PIK3C2A: variants seen among roughly 807,000 people sequenced by gnomAD.
PIK3C2A encodes the protein phosphatidylinositol 4-phosphate 3-kinase C2 domain-containing subunit alpha.
Under a neutral mutation model 204.5 loss-of-function variants are expected in PIK3C2A, and 97 were observed. The ratio of observed to expected loss-of-function variants is 0.47; its 90% CI spans 0.40 to 0.56. The LOEUF (loss-of-function observed/expected upper bound fraction) is 0.56. Ranked by LOEUF, PIK3C2A falls within the 20% of genes least tolerant of loss-of-function variation. The pLI is 0.00. For synonymous variants in PIK3C2A, 653 were observed against 664.4 expected (o/e 0.98, Z 0.26); for missense variants, 1,735 against 1,969.2 (o/e 0.88, Z 2.25).
At chr11:17,148,560 A>C in intron 5 of PIK3C2A, 107 bp downstream of exon 5, 8 of 851,932 alleles carry the variant, frequency 9.4e-6, no homozygotes, top group South Asian at 1.7e-5. Context: ...TCAATTCAAT[A>C]GGATCCAATG....
At chr11:17,184,347 A>C (rs183108930) in intron 1 of PIK3C2A, among the ~76,000 whole-genome samples, 1 of 152,256 alleles carries the variant, frequency 6.6e-6, no homozygotes, top group Admixed American at 6.5e-5. Flanking sequence ...GAGGACTTCC[A>C]GTGAAACAAG....
chr11:17,131,567 G>A (rs990400170), intron 12 of PIK3C2A, among the ~76,000 whole-genome samples: 7 of 151,552 alleles, frequency 4.6e-5, no homozygotes, highest in African/African-American at 1.2e-4. Flanking sequence ...GACCACAGGC[G>A]CCCGCCACCA....
At chr11:17,178,114 A>AAAAAAAAAAAAT (rs1565294473) in intron 1 of PIK3C2A, among the ~76,000 whole-genome samples, 1 of 73,238 alleles carries the variant, frequency 1.4e-5, no homozygotes, top group African/African-American at 4.4e-5. Flanking sequence ...AAAAAAAAAG[A>AAAAAAAAAAAAT]AAAAAAAAAT....
intron 1 of PIK3C2A, among the ~76,000 whole-genome samples, chr11:17,207,328 T>TG (rs1029590871): frequency 1.3e-5 from 2 of 151,090 alleles, no homozygotes; most frequent in African/African-American, 4.9e-5. Flanking sequence ...GCGGTGGGAG[T>TG]GGGGGGTCCG....
At chr11:17,174,353 C>T (rs61879724) in intron 1 of PIK3C2A, among the ~76,000 whole-genome samples, 12,601 of 55,124 alleles carry the variant, frequency 0.23, 1,799 homozygotes, top group East Asian at 0.41. Context: ...TTTGGGAGGC[C>T]GAGGCGGGCG....
chr11:17,109,581 T>A (rs908512990), intron 22 of PIK3C2A, among the ~76,000 whole-genome samples: 19 of 152,238 alleles, frequency 1.2e-4, no homozygotes, highest in African/African-American at 4.6e-4. Context: ...TATTAGGTTT[T>A]GAGACAAGGT....
At position 17,118,702 on chromosome 11, in the gene PIK3C2A, A is replaced by C; in HGVS notation, c.2978T>G (p.Val993Gly). 1.9e-6 allele frequency: 3 copies of C among 1,563,562 alleles called. No individual in the cohort carries two copies. Among genetic ancestry groups the C allele is most frequent in the Non-Finnish European group, 2.6e-6 (3 of 1,136,550 alleles). The change falls in exon 18 of 33, where the codon GTG becomes GGG. Residue 993 changes from valine to glycine, a missense_variant. Physicochemically the swap from Val to Gly is moderately radical, Grantham distance 109 (BLOSUM62 -3). Coordinates refer to ENST00000691414, the MANE Select transcript of PIK3C2A (RefSeq NM_002645.4). ...KYEIYLNSSL[V>G]QFLLSRALGN... ...CAATGCCCTGGACAAAAGGAATTGC[A>C]CTAATGAACTATTCAAGTAAATTTC...
chr11:17,195,735 T>G (rs1169732808), intron 1 of PIK3C2A, among the ~76,000 whole-genome samples: 1 of 128,430 alleles, frequency 7.8e-6, no homozygotes, highest in African/African-American at 2.7e-5. Context: ...AGAGCAAGAC[T>G]CTATTGCAAA....
chr11:17,179,878 T>TGG (rs1851475628), intron 1 of PIK3C2A, among the ~76,000 whole-genome samples: 1 of 152,174 alleles, frequency 6.6e-6, no homozygotes, highest in Non-Finnish European at 1.5e-5. Flanking sequence ...CCCAAATCAC[T>TGG]GGGATTACAG....
chr11:17,132,155 C>A, intron 11 of PIK3C2A, 117 bp from the exon 12 acceptor site: 1 of 613,584 alleles, frequency 1.6e-6, no homozygotes, highest in Non-Finnish European at 2.7e-6. Context: ...ATCTGGTCAC[C>A]TTTCATTTGA....
rs1348333854 is a variant in PIK3C2A at position 17,145,701 on chromosome 11, A to G, written c.1671T>C (p.Tyr557=). Residue 557 remains tyrosine, a synonymous_variant, in exon 8 of 33, where the codon TAT becomes TAC. Coordinates refer to ENST00000691414, the MANE Select transcript of PIK3C2A (RefSeq NM_002645.4). ...RHPVEELLDS[Y]HNQVELALQI... ...GAAGAGCCAGTTCTACTTGGTTGTG[A>G]TAAGAATCTAAGAGTTCTTCAACAG... is the stretch of plus-strand genomic sequence containing the variant. 4 of 1,609,540 alleles carry G rather than the reference A, an allele frequency of 2.5e-6. No individual in the cohort carries two copies. Among genetic ancestry groups the G allele is most frequent in the Admixed American group, 3.3e-5 (2 of 59,874 alleles).
At chr11:17,108,922 T>C (rs115720244) in intron 22 of PIK3C2A, among the ~76,000 whole-genome samples, 3,175 of 152,292 alleles carry the variant, frequency 0.021, 126 homozygotes, top group African/African-American at 0.071. Flanking sequence ...AGGGTGAAGA[T>C]GGATTTAACT....
Position 17,101,430 on chromosome 11 carries a change from G to T in PIK3C2A, c.3856C>A (p.Arg1286=). The T allele has an allele frequency of 1.3e-6, 2 of 1,493,216 alleles. No individual in the cohort carries two copies. Among genetic ancestry groups the T allele is most frequent in the Non-Finnish European group, 1.8e-6 (2 of 1,101,106 alleles). The allele number at this position is 1,493,216 out of a possible 1,614,324, so 92.5% of individuals were successfully genotyped here. Reference sequence around the variant, plus strand: ...TCAGAGGTCAGCACAAAAGGAGCCCGATCCCTATTTAAAATGAAAGTACAT... The same window carrying T: ...TCAGAGGTCAGCACAAAAGGAGCCCTATCCCTATTTAAAATGAAAGTACAT... ...AQMFGSFKRD[R]APFVLTSDMA... Residue 1286 remains arginine, a synonymous_variant, in exon 25 of 33, where the codon CGG becomes AGG. Transcript: ENST00000691414.
intron 1 of PIK3C2A, among the ~76,000 whole-genome samples, chr11:17,196,151 T>G (rs534993238): frequency 6.6e-6 from 1 of 152,212 alleles, no homozygotes; most frequent in African/African-American, 2.4e-5. Flanking sequence ...AGCTCAACTA[T>G]CAAAAATCAG....
intron 20 of PIK3C2A, among the ~76,000 whole-genome samples, chr11:17,113,125 C>A (rs987576941): frequency 1.3e-5 from 2 of 152,212 alleles, no homozygotes; most frequent in Non-Finnish European, 2.9e-5. Flanking sequence ...AATTCTCCTG[C>A]CTCAGCCTCC....
chr11:17,133,610 G>A (rs1373591049), intron 11 of PIK3C2A, among the ~76,000 whole-genome samples: 1 of 151,978 alleles, frequency 6.6e-6, no homozygotes, highest in African/African-American at 2.4e-5. Context: ...TGACTTTTCA[G>A]TTCATACATT....
intron 1 of PIK3C2A, among the ~76,000 whole-genome samples, chr11:17,174,015 A>G (rs1565291504): frequency 6.6e-6 from 1 of 151,964 alleles, no homozygotes; most frequent in Non-Finnish European, 1.5e-5. Flanking sequence ...AGAGACTAAT[A>G]GCGTTTTGCC....
At chr11:17,155,775 A>G (rs1337701630) in intron 2 of PIK3C2A, 146 bp from the exon 3 acceptor site, 2 of 523,744 alleles carry the variant, frequency 3.8e-6, no homozygotes, top group Non-Finnish European at 6.9e-6. Context: ...TTTAAATTAT[A>G]TATTTCTATC....
rs12276923 is a variant in PIK3C2A at position 17,166,901 on chromosome 11, C to A, written c.1065+1776G>T. Among the ~76,000 whole-genome samples, 904 of 152,154 alleles carry A rather than the reference C, an allele frequency of 5.9e-3. 18 individuals carry two copies. The highest frequency in any genetic ancestry group is 0.021 in the African/African-American group (860 of 41,504). On this transcript the variant is annotated intron_variant, in intron 2 of 32. Coordinates refer to ENST00000691414, the MANE Select transcript of PIK3C2A (RefSeq NM_002645.4). ...GTCATCTGCCTATTAGAAATTGACC[C>A]GAATATGAATCCAGCAGTGACCTGG...
Sources: gnomAD v4.1 joint callset for allele counts (sites outside exome capture counted in the v4.1 genomes callset) on GRCh38, gnomAD v4.1.1 for gene constraint, MANE v1.5 for transcripts, NCBI Gene and HGNC (gene_info 2026-07-23, HGNC 2026-07-21) for gene names.